Variants in SORCS2 observed in about 807,000 individuals in gnomAD.
The protein encoded by SORCS2 is sortilin related VPS10 domain containing receptor 2.
A neutral mutation model predicts 141.6 loss-of-function variants in SORCS2; 100 were observed. The ratio of observed to expected loss-of-function variants is 0.71; its 90% CI spans 0.60 to 0.83. The LOEUF is 0.83. Among genes scored for constraint, SORCS2 ranks in the 40% least tolerant of loss-of-function variants. The pLI, the probability that SORCS2 is intolerant of heterozygous loss-of-function variation, is 0.00. For synonymous variants in SORCS2, 789 were observed against 676.9 expected (o/e 1.17, Z -2.57); for missense variants, 1,646 against 1,560.2 (o/e 1.05, Z -0.93).
chr4:7,567,322 C>G (rs982780109), intron 3 of SORCS2, among the ~76,000 whole-genome samples: 1 of 152,090 alleles, frequency 6.6e-6, no homozygotes, highest in African/African-American at 2.4e-5. Context: ...GGATCCCACC[C>G]AGGACTCCAC....
intron 3 of SORCS2, among the ~76,000 whole-genome samples, chr4:7,598,859 A>G (rs1459306829): frequency 2.6e-5 from 4 of 152,138 alleles, no homozygotes; most frequent in Non-Finnish European, 4.4e-5. Flanking sequence ...GCTCATGCTG[A>G]GCTCTGTGTC....
intron 3 of SORCS2, among the ~76,000 whole-genome samples, chr4:7,605,105 G>A (rs1031542029): frequency 1.3e-5 from 2 of 152,202 alleles, no homozygotes; most frequent in African/African-American, 4.8e-5. Flanking sequence ...ATGTTCCTTC[G>A]TGTGAGGGAT....
At chr4:7,366,861 G>A (rs1383837914) in intron 1 of SORCS2, among the ~76,000 whole-genome samples, 1 of 152,220 alleles carries the variant, frequency 6.6e-6, no homozygotes, top group Non-Finnish European at 1.5e-5. Context: ...AGGTTCTCAG[G>A]AAGTCCTTGT....
chr4:7,381,120 A>ACAGCTT (rs1722969942), intron 1 of SORCS2, among the ~76,000 whole-genome samples: 2 of 150,734 alleles, frequency 1.3e-5, no homozygotes, highest in South Asian at 4.2e-4. Context: ...ATTAACAATG[A>ACAGCTT]CAGCTTCATG....
At chr4:7,293,250 G>A (rs543163597) in intron 1 of SORCS2, among the ~76,000 whole-genome samples, 7 of 151,678 alleles carry the variant, frequency 4.6e-5, no homozygotes, top group Non-Finnish European at 1.0e-4. Context: ...CTTGCAGTGA[G>A]CCGAGATCGC....
intron 3 of SORCS2, among the ~76,000 whole-genome samples, chr4:7,600,908 G>T (rs1457113453): frequency 6.6e-6 from 1 of 151,986 alleles, no homozygotes; most frequent in Non-Finnish European, 1.5e-5. Context: ...ATATTTTAGG[G>T]TTTGCTCTAA....
intron 8 of SORCS2, among the ~76,000 whole-genome samples, chr4:7,674,438 T>A (rs1287288487): frequency 1.3e-5 from 2 of 151,862 alleles, no homozygotes; most frequent in Non-Finnish European, 2.9e-5. Flanking sequence ...CTGGGCATAG[T>A]GGCAGGCGCC....
At chr4:7,345,647 C>T (rs1720612091) in intron 1 of SORCS2, among the ~76,000 whole-genome samples, 1 of 152,206 alleles carries the variant, frequency 6.6e-6, no homozygotes, top group African/African-American at 2.4e-5. Flanking sequence ...ATGCAATGAC[C>T]TTTAAAACCT....
intron 8 of SORCS2, among the ~76,000 whole-genome samples, chr4:7,668,660 G>T (rs2108933802): frequency 6.6e-6 from 1 of 152,334 alleles, no homozygotes. Context: ...AAGGAAAAAA[G>T]GAGTGAGCTT....
Position 7,306,625 on chromosome 4 carries a change from T to C in SORCS2, c.481-89663T>C, listed in dbSNP as rs1717853415. Among the ~76,000 whole-genome samples the C allele has an allele frequency of 2.0e-5, 3 of 152,268 alleles. No homozygotes were observed. The South Asian group carries it at 6.2e-4, about 32-fold the overall frequency. ...CGGTTCCCGTGGGGCTAGGCATGCC[T>C]GGGAATCGCCTTCAGTTCCCAAAGC... On this transcript the variant is annotated intron_variant, in intron 1 of 26. Coordinates refer to ENST00000507866, the MANE Select transcript of SORCS2 (RefSeq NM_020777.3).
intron 1 of SORCS2, among the ~76,000 whole-genome samples, chr4:7,259,345 G>T (rs867136902): frequency 7.2e-5 from 11 of 152,210 alleles, no homozygotes; most frequent in Middle Eastern, 3.2e-3. Flanking sequence ...TTGAACCCAG[G>T]TTGTGGGACT....
intron 2 of SORCS2, among the ~76,000 whole-genome samples, chr4:7,428,118 A>C (rs1726582537): frequency 6.6e-6 from 1 of 152,148 alleles, no homozygotes; most frequent in Admixed American, 6.5e-5. Context: ...CCGTGGCTTC[A>C]CCTGGACCAT....
At chr4:7,413,139 T>C (rs913909130) in intron 2 of SORCS2, among the ~76,000 whole-genome samples, 1 of 152,028 alleles carries the variant, frequency 6.6e-6, no homozygotes, top group African/African-American at 2.4e-5. Flanking sequence ...GCCAAATCCC[T>C]CTCCAGAAAA....
At chr4:7,417,463 A>C (rs1456872971) in intron 2 of SORCS2, among the ~76,000 whole-genome samples, 1 of 152,154 alleles carries the variant, frequency 6.6e-6, no homozygotes, top group Non-Finnish European at 1.5e-5. Flanking sequence ...GGTAGAAGCT[A>C]GTGTTTGTCT....
At chr4:7,556,819 CCAT>C (rs1479943776) in intron 3 of SORCS2, among the ~76,000 whole-genome samples, 1 of 148,520 alleles carries the variant, frequency 6.7e-6, no homozygotes, top group Non-Finnish European at 1.5e-5. Context: ...CATCATCCAT[CCAT>C]CTACCCATCC....
At chr4:7,370,217 G>T (rs763862436) in intron 1 of SORCS2, among the ~76,000 whole-genome samples, 15 of 152,180 alleles carry the variant, frequency 9.9e-5, no homozygotes, top group Non-Finnish European at 2.1e-4. Context: ...TGGGCAAGGC[G>T]CTTGGGCTCC....
intron 5 of SORCS2, among the ~76,000 whole-genome samples, chr4:7,654,523 C>T (rs1473323044): frequency 3.9e-5 from 6 of 152,218 alleles, no homozygotes; most frequent in South Asian, 2.1e-4. Context: ...GTTCCCTCCC[C>T]GAGCCTCACA....
chr4:7,728,543 A>G, intron 22 of SORCS2, 81 bp downstream of exon 22: 1 of 1,013,304 alleles, frequency 9.9e-7, no homozygotes, highest in African/African-American at 1.6e-5. Context: ...CGGGGTGCTC[A>G]GGGAAAGGAG....
In SORCS2 at chr4:7,233,804, A is replaced by T. The variant is rs1238585785; in HGVS notation, c.480+40678A>T. On this transcript the variant is annotated intron_variant, in intron 1 of 26. Coordinates refer to ENST00000507866, the MANE Select transcript of SORCS2 (RefSeq NM_020777.3). The surrounding 1 kb of genome is among the most constrained non-coding windows in gnomAD (Gnocchi z 4.5). Reference sequence around the variant, plus strand: ...TGCACGCCTCAGTTTTCCTGTCTGTAAAATGGGTGCCGTGGTGCAAACATC... The same window carrying T: ...TGCACGCCTCAGTTTTCCTGTCTGTTAAATGGGTGCCGTGGTGCAAACATC... Among the ~76,000 whole-genome samples, 1 of 152,166 alleles carries T rather than the reference A, an allele frequency of 6.6e-6. No homozygotes were observed. The highest frequency in any genetic ancestry group is 1.9e-4 in the East Asian group (1 of 5,190).
Sources: gnomAD v4.1 joint callset for allele counts (sites outside exome capture counted in the v4.1 genomes callset) on GRCh38, gnomAD v4.1.1 for gene constraint, Gnocchi (gnomAD v3.1) non-coding constraint, MANE v1.5 for transcripts, NCBI Gene and HGNC (gene_info 2026-07-23, HGNC 2026-07-21) for gene names.